LARGE1: variants seen among roughly 807,000 people sequenced by gnomAD.
The protein encoded by LARGE1 is xylosyl- and glucuronyltransferase LARGE1.
A neutral mutation model predicts 87.6 loss-of-function variants in LARGE1; 43 were observed. The observed-to-expected ratio is 0.49, with a 90% CI of 0.38 to 0.63. The LOEUF is 0.63. Ranked by LOEUF, LARGE1 falls within the 30% of genes least tolerant of loss-of-function variation. LARGE1 has a pLI of 0.00. For missense variants in LARGE1, 802 were observed against 1,000.2 expected (o/e 0.80, Z 2.67); for synonymous variants, 434 against 394.6 (o/e 1.10, Z -1.18).
rs145637375 is a variant in LARGE1, at chr22:33,341,546, G to A, written c.1132-3745C>T. ...GCAATAGCAATACCCATTGAAGTTG[G>A]CTGGATAAATACTGCTCTAGAAGAC... On this transcript the variant is annotated intron_variant, in intron 9 of 14. Coordinates refer to ENST00000397394, the MANE Select transcript of LARGE1 (RefSeq NM_133642.5). Among the ~76,000 whole-genome samples the A allele has an allele frequency of 3.7e-4, 57 of 152,202 alleles. 1 individual carries two copies. The highest frequency in any genetic ancestry group is 7.8e-4 in the Admixed American group (12 of 15,292).
intron 6 of LARGE1, among the ~76,000 whole-genome samples, chr22:33,473,281 G>C (rs755932229): frequency 2.6e-5 from 4 of 151,958 alleles, no homozygotes; most frequent in Non-Finnish European, 5.9e-5. Context: ...CCACTCTCCT[G>C]CCTCAGCCTC....
chr22:33,343,218 T>TC (rs1163666126), intron 9 of LARGE1, among the ~76,000 whole-genome samples: 4 of 152,010 alleles, frequency 2.6e-5, no homozygotes, highest in African/African-American at 9.7e-5. Context: ...AGCCTCAATC[T>TC]CCCAGACTCA....
At chr22:33,290,797 G>C (rs1932399612) in intron 12 of LARGE1, among the ~76,000 whole-genome samples, 1 of 152,188 alleles carries the variant, frequency 6.6e-6, no homozygotes, top group South Asian at 2.1e-4. Flanking sequence ...CCAGCACTTT[G>C]GGAGGCTGAG....
rs112858894 is a variant in LARGE1 at position 33,186,501 on chromosome 22, GA to G, written c.1731-19670del. 1.8e-3 allele frequency among the ~76,000 whole-genome samples: 274 copies of G among 151,928 alleles called. 1 individual carries two copies. Among genetic ancestry groups the G allele is most frequent in the African/African-American group, 6.0e-3 (250 of 41,488 alleles). ...GACTAGAAAGCTTCCACTACAATCT[GA>G]AAAAAAAGTCACATGCAAAAATCTT... is the stretch of plus-strand genomic sequence containing the variant. On this transcript the variant is annotated intron_variant, in intron 11 of 11. Transcript: ENST00000608642.
chr22:33,356,905 T>C (rs1397252817), intron 9 of LARGE1, among the ~76,000 whole-genome samples: 3 of 152,202 alleles, frequency 2.0e-5, no homozygotes, highest in Non-Finnish European at 2.9e-5. Flanking sequence ...AGAGAATGCT[T>C]ATACACTGTT....
intron 7 of LARGE1, among the ~76,000 whole-genome samples, chr22:33,414,136 G>A (rs997331803): frequency 1.3e-5 from 2 of 151,968 alleles, no homozygotes; most frequent in Non-Finnish European, 2.9e-5. Flanking sequence ...CATAGTGGCC[G>A]CATCATTCTA....
chr22:33,450,683 T>A (rs8140536), intron 6 of LARGE1, among the ~76,000 whole-genome samples: 2 of 151,926 alleles, frequency 1.3e-5, no homozygotes, highest in Admixed American at 1.3e-4. Context: ...GAAAAAAACC[T>A]TAATACTCAT....
rs564100398 is a variant in LARGE1, at chr22:33,339,618, T to C, written c.1132-1817A>G. Among the ~76,000 whole-genome samples, 3 of 151,872 alleles carry C rather than the reference T, an allele frequency of 2.0e-5. No homozygotes were observed. The South Asian group carries it at 6.4e-4, about 32-fold the overall frequency. On this transcript the variant is annotated intron_variant, in intron 9 of 14. Coordinates refer to ENST00000397394, the MANE Select transcript of LARGE1 (RefSeq NM_133642.5). ...TAACTTCCAGCCGAGACAGAAGGCC[T>C]TGTAGACAGTTTGATTGGAGAGACA...
rs1472522718 is a variant in LARGE1 at position 33,738,643 on chromosome 22, A to G, written c.106+22728T>C. Among the ~76,000 whole-genome samples, 4 of 152,096 alleles carry G rather than the reference A, an allele frequency of 2.6e-5. No homozygotes were observed. In the East Asian group the frequency reaches 7.7e-4, roughly 29 times the overall value. On this transcript the variant is annotated intron_variant, in intron 2 of 14. Coordinates refer to ENST00000397394, the MANE Select transcript of LARGE1 (RefSeq NM_133642.5). Reference sequence around the variant, plus strand: ...CGGAGGCCGAGGCAGGTGGATCACGAGGTCAGGAGATGGAGACCACGGTGA... The same window carrying G: ...CGGAGGCCGAGGCAGGTGGATCACGGGGTCAGGAGATGGAGACCACGGTGA...
At chr22:33,921,845 A>C (rs2065957325), upstream of LARGE1, among the ~76,000 whole-genome samples, 1 of 151,952 alleles carries the variant, frequency 6.6e-6, no homozygotes, top group Non-Finnish European at 1.5e-5. This position sits in a 1 kb window ranked among gnomAD's most constrained non-coding sequence, Gnocchi z 4.1. Context: ...GAAGTGGGTG[A>C]AATGGGTCGG....
intron 11 of LARGE1, among the ~76,000 whole-genome samples, chr22:33,170,488 G>A (rs1922507156): frequency 6.6e-6 from 1 of 152,168 alleles, no homozygotes; most frequent in Admixed American, 6.5e-5. Flanking sequence ...TGTGTCGGAG[G>A]AGAGACTGGT....
chr22:33,391,717 T>C (rs538635348), intron 7 of LARGE1, among the ~76,000 whole-genome samples: 1 of 151,922 alleles, frequency 6.6e-6, no homozygotes, highest in African/African-American at 2.4e-5. Context: ...TGAAAACATT[T>C]GTCTTTGCTC....
intron 11 of LARGE1, among the ~76,000 whole-genome samples, chr22:33,195,113 T>C (rs1415274814): frequency 6.6e-6 from 1 of 152,228 alleles, no homozygotes; most frequent in South Asian, 2.1e-4. Context: ...TATCAAGTTA[T>C]TAGAACCGTC....
intron 9 of LARGE1, among the ~76,000 whole-genome samples, chr22:33,348,208 G>A (rs1031663840): frequency 3.3e-5 from 5 of 151,772 alleles, no homozygotes; most frequent in Admixed American, 1.3e-4. Flanking sequence ...TGGAGGTTGC[G>A]ATGAGCCAAG....
Position 33,604,387 on chromosome 22 carries a change from G to T in LARGE1, c.615+48C>A, listed in dbSNP as rs548099732. 4.7e-5 allele frequency: 75 copies of T among 1,612,534 alleles called. 1 individual carries two copies. In the South Asian group the frequency reaches 8.1e-4, roughly 17 times the overall value. ...AGTCTGCTCAACCACAAGTAATAAC[G>T]CTTCCAGCTAGAGGAGATCACGGAA... On this transcript the variant is annotated intron_variant, in intron 5 of 14. Transcript: ENST00000397394.
chr22:33,911,670 T>C (rs1316441872), intron 1 of LARGE1, among the ~76,000 whole-genome samples: 1 of 152,224 alleles, frequency 6.6e-6, no homozygotes, highest in African/African-American at 2.4e-5. Context: ...CTTTACAGCA[T>C]GTCCATTCTT....
At chr22:33,337,625 C>T in intron 10 of LARGE1, 21 bp downstream of exon 10, 2 of 1,613,910 alleles carry the variant, frequency 1.2e-6, no homozygotes, top group African/African-American at 1.3e-5. Context: ...CCTTCCCTGC[C>T]CAGCCTTGCG....
chr22:33,569,974 T>C (rs2078145690), intron 5 of LARGE1, among the ~76,000 whole-genome samples: 1 of 152,202 alleles, frequency 6.6e-6, no homozygotes, highest in Non-Finnish European at 1.5e-5. Context: ...TTTCCTCACC[T>C]AGGAGCAGAA....
chr22:33,262,067 G>GT (rs1927658789), intron 11 of LARGE1, among the ~76,000 whole-genome samples: 1 of 152,174 alleles, frequency 6.6e-6, no homozygotes, highest in African/African-American at 2.4e-5. Flanking sequence ...ACAAAGTATC[G>GT]TAAACACTCA....
Sources: gnomAD v4.1 joint callset for allele counts (sites outside exome capture counted in the v4.1 genomes callset) on GRCh38, gnomAD v4.1.1 for gene constraint, Gnocchi (gnomAD v3.1) non-coding constraint, MANE v1.5 for transcripts, NCBI Gene and HGNC (gene_info 2026-07-23, HGNC 2026-07-21) for gene names.